Variants in GALNT17 observed in about 807,000 individuals in gnomAD.
The protein encoded by GALNT17 is polypeptide N-acetylgalactosaminyltransferase 17.
Under a neutral mutation model 63.7 loss-of-function variants are expected in GALNT17, and 29 were observed. The observed-to-expected ratio is 0.46, with a 90% CI of 0.34 to 0.62. The LOEUF is 0.62. Among genes scored for constraint, GALNT17 ranks in the 20% least tolerant of loss-of-function variants. The probability of loss-of-function intolerance (pLI) is 0.01; values close to 1 mark genes in which losing one functional copy is unlikely to be tolerated. For missense variants in GALNT17, 603 were observed against 799.6 expected, an observed-to-expected ratio of 0.75 and a Z score of 2.97; for synonymous variants, 305 against 318.3, an observed-to-expected ratio of 0.96 and a Z score of 0.45.
intron 1 of GALNT17, among the ~76,000 whole-genome samples, chr7:71,241,607 G>A (rs1789998108): frequency 6.6e-6 from 1 of 152,138 alleles, no homozygotes; most frequent in South Asian, 2.1e-4. Flanking sequence ...AATACCTGAG[G>A]CTGGGTGCAG....
intron 2 of GALNT17, among the ~76,000 whole-genome samples, chr7:71,367,633 A>G (rs1021475442): frequency 9.2e-5 from 14 of 151,900 alleles, no homozygotes; most frequent in African/African-American, 2.4e-4. Context: ...TGAGTTGCCA[A>G]TTTCTTTGAC....
chr7:71,553,327 T>C (rs1789111725), intron 5 of GALNT17, among the ~76,000 whole-genome samples: 1 of 151,644 alleles, frequency 6.6e-6, no homozygotes, highest in Non-Finnish European at 1.5e-5. Flanking sequence ...ACCTTGTCTC[T>C]TTAAAAAAAA....
intron 5 of GALNT17, among the ~76,000 whole-genome samples, chr7:71,560,104 G>T (rs1322223543): frequency 2.7e-5 from 4 of 145,650 alleles, no homozygotes; most frequent in Non-Finnish European, 5.9e-5. Context: ...TGAGGCAGGA[G>T]AATCGCTTGA....
intron 5 of GALNT17, among the ~76,000 whole-genome samples, chr7:71,553,145 C>G (rs967688488): frequency 6.6e-6 from 1 of 151,876 alleles, no homozygotes; most frequent in Admixed American, 6.6e-5. Context: ...GGCAACATAG[C>G]AAGACTTTCT....
intron 4 of GALNT17, 148 bp from the exon 5 acceptor site, chr7:71,420,760 G>A: frequency 1.1e-6 from 1 of 884,702 alleles, no homozygotes; most frequent in Non-Finnish European, 1.8e-6. Context: ...AGCGTGGGCA[G>A]GTCCCTGGGA....
intron 5 of GALNT17, among the ~76,000 whole-genome samples, chr7:71,437,911 C>G (rs576652804): frequency 1.3e-5 from 2 of 152,104 alleles, no homozygotes; most frequent in Admixed American, 1.3e-4. Flanking sequence ...TAGGGTCTTG[C>G]TATGTTGTCC....
chr7:71,184,963 C>A (rs907620841), intron 1 of GALNT17, among the ~76,000 whole-genome samples: 1 of 111,000 alleles, frequency 9.0e-6, no homozygotes, highest in African/African-American at 4.3e-5. Flanking sequence ...TTCCTTCCTT[C>A]CTTCCTTCCT....
Position 71,596,255 on chromosome 7 carries a change from G to A in GALNT17, c.1080+24853G>A, listed in dbSNP as rs938165957. ...GGGTTTCACCATGTTGGCCAGGCTG[G>A]TCTCAAACTCCTGACCTCGTGATTC... On this transcript the variant is annotated intron_variant, in intron 6 of 10. Coordinates refer to ENST00000333538, the MANE Select transcript of GALNT17 (RefSeq NM_022479.3). Among the ~76,000 whole-genome samples, 11 of 152,206 alleles carry A rather than the reference G, an allele frequency of 7.2e-5. No individual in the cohort carries two copies. The South Asian group carries it at 1.7e-3, about 23-fold the overall frequency.
chr7:71,666,380 T>G (rs1790985610), intron 7 of GALNT17, among the ~76,000 whole-genome samples: 1 of 149,298 alleles, frequency 6.7e-6, no homozygotes, highest in Non-Finnish European at 1.5e-5. Context: ...TTATATAAAT[T>G]TTTTTATGGC....
chr7:71,307,079 C>T (rs1448727983), intron 1 of GALNT17, among the ~76,000 whole-genome samples: 2 of 152,134 alleles, frequency 1.3e-5, no homozygotes, highest in Non-Finnish European at 2.9e-5. Flanking sequence ...CCACCTTGGC[C>T]TCCCAAAGTG....
intron 1 of GALNT17, among the ~76,000 whole-genome samples, chr7:71,189,288 TC>T (rs1788907862): frequency 6.6e-6 from 1 of 152,172 alleles, no homozygotes; most frequent in African/African-American, 2.4e-5. Context: ...TTGTGAAGCC[TC>T]CCCAGCCACA....
At chr7:71,452,379 C>CT (rs1310826924) in intron 5 of GALNT17, among the ~76,000 whole-genome samples, 2 of 152,124 alleles carry the variant, frequency 1.3e-5, no homozygotes, top group Admixed American at 1.3e-4. Context: ...AACCCTGTCT[C>CT]TACTAAAAAT....
intron 1 of GALNT17, among the ~76,000 whole-genome samples, chr7:71,271,441 G>T (rs977936735): frequency 3.3e-5 from 5 of 152,150 alleles, no homozygotes; most frequent in African/African-American, 9.7e-5. Context: ...CATCCATCCC[G>T]GTTTGTTCTG....
intron 3 of GALNT17, among the ~76,000 whole-genome samples, chr7:71,393,254 A>G (rs1413687135): frequency 2.0e-5 from 3 of 152,126 alleles, no homozygotes; most frequent in African/African-American, 4.8e-5. Context: ...TTCTTCTTAC[A>G]TTAATATTGT....
chr7:71,162,152 C>CCTTT lies in GALNT17; in HGVS notation c.238+29115_238+29116insTCTT, dbSNP rs1562875826. On this transcript the variant is annotated intron_variant, in intron 1 of 10. Transcript: ENST00000333538. Reference sequence around the variant, plus strand: ...TCCTTCCTTCCTTCCTTCCTTCCTTCCTTCCTTCCTTCCTTCCTGTTGCTA... The same window carrying CCTTT: ...TCCTTCCTTCCTTCCTTCCTTCCTTCCTTTCTTCCTTCCTTCCTTCCTGTTGCTA... 2.5e-3 allele frequency among the ~76,000 whole-genome samples: 341 copies of CCTTT among 137,626 alleles called. 5 individuals are homozygous for CCTTT. The highest frequency in any genetic ancestry group is 8.7e-3 in the African/African-American group (323 of 37,116). 90.3% of individuals were successfully genotyped at this position (137,626 alleles called of 152,430 possible).
At chr7:71,304,893 G>A (rs761531678) in intron 1 of GALNT17, among the ~76,000 whole-genome samples, 6 of 152,098 alleles carry the variant, frequency 3.9e-5, no homozygotes, top group South Asian at 2.1e-4. Context: ...ACAGGTGCCC[G>A]CCACCATGCC....
chr7:71,508,398 G>A (rs1343039781), intron 5 of GALNT17, among the ~76,000 whole-genome samples: 1 of 152,168 alleles, frequency 6.6e-6, no homozygotes, highest in African/African-American at 2.4e-5. Flanking sequence ...TTGTGGTCTT[G>A]TGTTTGTATC....
intron 1 of GALNT17, among the ~76,000 whole-genome samples, chr7:71,180,025 G>C (rs192299647): frequency 1.2e-4 from 18 of 152,244 alleles, no homozygotes; most frequent in Non-Finnish European, 2.1e-4. Flanking sequence ...AGGTATAATT[G>C]ATATAAAAAA....
At chr7:71,135,476 C>T (rs1052353053) in intron 1 of GALNT17, among the ~76,000 whole-genome samples, 2 of 152,172 alleles carry the variant, frequency 1.3e-5, no homozygotes, top group African/African-American at 2.4e-5. Flanking sequence ...ACAACTTGCT[C>T]ACAGTCACCC....
Sources: allele counts gnomAD v4.1 joint callset (sites outside exome capture counted in the v4.1 genomes callset), GRCh38; gene constraint gnomAD v4.1.1; transcripts MANE v1.5; gene names NCBI Gene and HGNC (gene_info 2026-07-23, HGNC 2026-07-21).